Variants in FAF2 observed in about 807,000 individuals in gnomAD.
The protein encoded by FAF2 is FAS-associated factor 2.
FAF2 carries 9 observed loss-of-function variants against 62.3 expected under a neutral mutation model. The ratio of observed to expected loss-of-function variants is 0.14; its 90% CI spans 0.09 to 0.25. FAF2 has a LOEUF of 0.25. FAF2 is among the 10% of genes least tolerant of loss of function. The pLI is 1.00. For synonymous variants in FAF2, 202 were observed against 198.0 expected (o/e 1.02, Z -0.17); for missense variants, 368 against 556.2 (o/e 0.66, Z 3.40).
At position 176,507,017 on chromosome 5, in the gene FAF2, G is replaced by T; in HGVS notation, c.*67G>T. 1 of 1,125,458 alleles carries T rather than the reference G, an allele frequency of 8.9e-7. No homozygotes were observed. The highest frequency in any genetic ancestry group is 1.2e-6 in the Non-Finnish European group (1 of 848,420). The allele number at this position is 1,125,458 out of a possible 1,614,324, so 69.7% of individuals were successfully genotyped here. A position where few individuals can be genotyped will look rare whatever the true frequency, so the allele number is the denominator to read the frequency against. Reference sequence around the variant, plus strand: ...GAAATGGGGAAAAAAGAAAACAACAGCAAGTCAGAAAAAAAAAACAAGAGA... The same window carrying T: ...GAAATGGGGAAAAAAGAAAACAACATCAAGTCAGAAAAAAAAAACAAGAGA... On this transcript the variant is annotated 3_prime_UTR_variant, in exon 11 of 11. Transcript: ENST00000261942.
At chr5:176,493,421 G>C (rs1176078333) in intron 5 of FAF2, among the ~76,000 whole-genome samples, 2 of 152,216 alleles carry the variant, frequency 1.3e-5, no homozygotes, top group African/African-American at 4.8e-5. Flanking sequence ...ACAGTGTAAT[G>C]TGCTCAGGAG....
intron 1 of FAF2, among the ~76,000 whole-genome samples, chr5:176,457,654 G>A (rs1377992432): frequency 7.2e-5 from 1 of 13,890 alleles, no homozygotes; most frequent in Admixed American, 6.2e-4. Flanking sequence ...GTTTTCAGGG[G>A]TGTGTGTGTG....
rs568034093 is a variant in FAF2, at chr5:176,454,013, A to G, written c.63+5543A>G. The stretch of plus-strand genomic sequence containing the variant: ...GAAGGTTGCAGTGATCCGAGACCGC[A>G]CCACTGCACTCCAGCCTGGGCAAGA... On this transcript the variant is annotated intron_variant, in intron 1 of 10. Coordinates refer to ENST00000261942, the MANE Select transcript of FAF2 (RefSeq NM_014613.3). 1.9e-3 allele frequency among the ~76,000 whole-genome samples: 284 copies of G among 151,350 alleles called. 1 individual carries two copies. The highest frequency in any genetic ancestry group is 6.5e-3 in the African/African-American group (267 of 41,262).
At chr5:176,477,206 A>G (rs989996992) in intron 1 of FAF2, among the ~76,000 whole-genome samples, 2 of 144,418 alleles carry the variant, frequency 1.4e-5, no homozygotes, top group East Asian at 2.0e-4. Flanking sequence ...CGGCCTCCCA[A>G]AGTGCTGAGA....
chr5:176,457,036 G>A (rs1259744017), intron 1 of FAF2, among the ~76,000 whole-genome samples: 1 of 152,022 alleles, frequency 6.6e-6, no homozygotes, highest in Non-Finnish European at 1.5e-5. Context: ...GCTGGGCATC[G>A]ATATTTATGA....
chr5:176,490,558 G>T (rs993564929), intron 4 of FAF2, among the ~76,000 whole-genome samples: 5 of 152,118 alleles, frequency 3.3e-5, no homozygotes, highest in African/African-American at 1.2e-4. Flanking sequence ...GGCTGAAGTT[G>T]TGGGTCCAGC....
rs143992325 is a variant in FAF2, at chr5:176,499,080, C to A, written c.1006C>A (p.Arg336=). The A allele has an allele frequency of 1.9e-6, 3 of 1,580,624 alleles. No individual in the cohort carries two copies. In the East Asian group the frequency reaches 6.9e-5, roughly 36 times the overall value. Residue 336 remains arginine, a synonymous_variant, in exon 9 of 11, where the codon CGG becomes AGG. Coordinates refer to ENST00000261942, the MANE Select transcript of FAF2 (RefSeq NM_014613.3). ...GCAAAAGTTGGCAGAGGAGAGACGG[C>A]GGCAGGTAATGGACGTGTGGCTTTA... The part of the protein sequence containing the change: ...QQQKLAEERR[R]QNLQEEKERK...
In FAF2 at chr5:176,467,332, T is replaced by G. The variant is rs971255139; in HGVS notation, c.64-11856T>G. 6.4e-4 allele frequency among the ~76,000 whole-genome samples: 98 copies of G among 151,990 alleles called. 1 individual carries two copies. Among genetic ancestry groups the G allele is most frequent in the African/African-American group, 2.2e-3 (93 of 41,474 alleles). Reference sequence around the variant, plus strand: ...TAGATGTCAGTAGACTTTTTTTGGTTTTTTTTGGTTTTTTTTTGAGTCAGT... The same window carrying G: ...TAGATGTCAGTAGACTTTTTTTGGTGTTTTTTGGTTTTTTTTTGAGTCAGT... On this transcript the variant is annotated intron_variant, in intron 1 of 10. Coordinates refer to ENST00000261942, the MANE Select transcript of FAF2 (RefSeq NM_014613.3).
chr5:176,487,823 A>G (rs1758900656), intron 3 of FAF2, among the ~76,000 whole-genome samples: 1 of 151,926 alleles, frequency 6.6e-6, no homozygotes, highest in South Asian at 2.1e-4. Flanking sequence ...ATTTCTATAT[A>G]CATTATTTTA....
intron 1 of FAF2, among the ~76,000 whole-genome samples, chr5:176,474,603 T>C (rs1362541983): frequency 6.6e-6 from 1 of 152,178 alleles, no homozygotes. Flanking sequence ...GGTCTGTGGG[T>C]TTTTATCTGT....
chr5:176,491,683 C>T (rs968406617), intron 4 of FAF2, among the ~76,000 whole-genome samples: 4 of 152,128 alleles, frequency 2.6e-5, no homozygotes, highest in African/African-American at 9.7e-5. Flanking sequence ...TCTGTATCTC[C>T]GCTGTTCAGT....
At chr5:176,475,633 TG>T (rs1758674662) in intron 1 of FAF2, among the ~76,000 whole-genome samples, 1 of 152,066 alleles carries the variant, frequency 6.6e-6, no homozygotes, top group African/African-American at 2.4e-5. Context: ...CCAGGCGTGG[TG>T]GCAGCCACCT....
intron 1 of FAF2, among the ~76,000 whole-genome samples, chr5:176,468,128 A>G (rs1758504320): frequency 6.6e-6 from 1 of 152,008 alleles, no homozygotes; most frequent in Non-Finnish European, 1.5e-5. Flanking sequence ...TCTTGCCACT[A>G]CACTCCAGCC....
chr5:176,468,054 A>G (rs1758503314), intron 1 of FAF2, among the ~76,000 whole-genome samples: 1 of 152,152 alleles, frequency 6.6e-6, no homozygotes, highest in African/African-American at 2.4e-5. Flanking sequence ...AATCCCAGCT[A>G]CTTGAGAGGC....
At chr5:176,456,927 AGTG>A (rs1758286010) in intron 1 of FAF2, among the ~76,000 whole-genome samples, 1 of 152,202 alleles carries the variant, frequency 6.6e-6, no homozygotes, top group Non-Finnish European at 1.5e-5. Context: ...CTTACTCAGT[AGTG>A]TTTGCTGGCC....
At chr5:176,488,064 A>G (rs879685208) in intron 3 of FAF2, among the ~76,000 whole-genome samples, 4 of 152,150 alleles carry the variant, frequency 2.6e-5, no homozygotes, top group Admixed American at 6.6e-5. Context: ...GCTGGTCTCA[A>G]ACTCCTGACC....
chr5:176,496,484 A>G lies in FAF2; in HGVS notation c.662-2A>G. ...CCTTGATCTGTTGGGTCTTTTTATC[A>G]GTCTCACAGGCTTTACGAGAGAACA... On this transcript the variant is annotated splice_acceptor_variant, in intron 7 of 10. Coordinates refer to ENST00000261942, the MANE Select transcript of FAF2 (RefSeq NM_014613.3). LOFTEE classifies it high-confidence loss of function. 6.4e-7 allele frequency: 1 copy of G among 1,567,092 alleles called. No individual in the cohort carries two copies. The highest frequency in any genetic ancestry group is 8.6e-7 in the Non-Finnish European group (1 of 1,159,382).
chr5:176,453,907 T>C (rs1758229193), intron 1 of FAF2, among the ~76,000 whole-genome samples: 1 of 150,296 alleles, frequency 6.7e-6, no homozygotes, highest in African/African-American at 2.5e-5. Context: ...TACAAAAAAA[T>C]TAGCTGGGCG....
chr5:176,471,375 C>CTTTTTTTTT (rs138149987), intron 1 of FAF2, among the ~76,000 whole-genome samples: 1 of 97,624 alleles, frequency 1.0e-5, no homozygotes, highest in Non-Finnish European at 2.0e-5. Context: ...TCTGTACATT[C>CTTTTTTTTT]TTTTTTTTTT....
Sources: allele counts gnomAD v4.1 joint callset (sites outside exome capture counted in the v4.1 genomes callset), GRCh38; gene constraint gnomAD v4.1.1; transcripts MANE v1.5; gene names NCBI Gene and HGNC (gene_info 2026-07-23, HGNC 2026-07-21).